PRUNE2: variants seen among roughly 807,000 people sequenced by gnomAD.
PRUNE2 encodes the protein protein prune homolog 2.
Under a neutral mutation model 252.0 loss-of-function variants are expected in PRUNE2, and 164 were observed. The ratio of observed to expected loss-of-function variants is 0.65; its 90% CI spans 0.57 to 0.74. PRUNE2 has a LOEUF of 0.74. Among genes scored for constraint, PRUNE2 ranks in the 30% least tolerant of loss-of-function variants. PRUNE2 has a pLI of 0.00. For synonymous variants in PRUNE2, 1,292 were observed against 1,350.2 expected (o/e 0.96, Z 0.94); for missense variants, 3,495 against 3,711.0 (o/e 0.94, Z 1.51).
chr9:76,886,672 A>ACAT (rs2062118975), intron 1 of PRUNE2, among the ~76,000 whole-genome samples: 1 of 152,210 alleles, frequency 6.6e-6, no homozygotes, highest in African/African-American at 2.4e-5. Context: ...AACATATTTT[A>ACAT]AAGGATTTTC....
chr9:76,814,061 G>A (rs2057530965), intron 6 of PRUNE2, among the ~76,000 whole-genome samples: 3 of 152,280 alleles, frequency 2.0e-5, no homozygotes, highest in South Asian at 2.1e-4. Context: ...TGATCCACCC[G>A]CCTCGGCCTC....
In PRUNE2 at chr9:76,631,409, G is replaced by A. The variant is rs142533792; in HGVS notation, c.9051-2119C>T. 4.0e-3 allele frequency among the ~76,000 whole-genome samples: 612 copies of A among 152,264 alleles called. 2 individuals are homozygous for A. Among genetic ancestry groups the A allele is most frequent in the African/African-American group, 0.014 (587 of 41,556 alleles). On this transcript the variant is annotated intron_variant, in intron 15 of 18. Transcript: ENST00000376718. Reference sequence around the variant, plus strand: ...TCTCTAATTTCAGCTGGCCAATCCTGCTAATCCTTTAAAACTCACCTGGAG... The same window carrying A: ...TCTCTAATTTCAGCTGGCCAATCCTACTAATCCTTTAAAACTCACCTGGAG...
chr9:76,851,979 GC>G (rs1461795603), intron 2 of PRUNE2, among the ~76,000 whole-genome samples: 1 of 152,188 alleles, frequency 6.6e-6, no homozygotes, highest in Admixed American at 6.5e-5. Context: ...AACATAAATG[GC>G]CTTTACTCTC....
At chr9:76,691,908 C>T in intron 9 of PRUNE2, 1 of 600,042 alleles carries the variant, frequency 1.7e-6, no homozygotes, top group Non-Finnish European at 3.0e-6. Flanking sequence ...CAGCTGGCAG[C>T]TGTCAGTTGC....
At chr9:76,867,158 C>T (rs1244217036) in intron 1 of PRUNE2, among the ~76,000 whole-genome samples, 1 of 152,124 alleles carries the variant, frequency 6.6e-6, no homozygotes, top group Non-Finnish European at 1.5e-5. Context: ...CACCTTTCTC[C>T]TCCCCCACCA....
At chr9:76,661,217 A>G (rs890556209) in intron 9 of PRUNE2, among the ~76,000 whole-genome samples, 21 of 152,210 alleles carry the variant, frequency 1.4e-4, no homozygotes, top group African/African-American at 5.1e-4. Flanking sequence ...AGAAATACTA[A>G]ACACAAGAAA....
At chr9:76,632,728 T>A (rs1031382169) in intron 15 of PRUNE2, among the ~76,000 whole-genome samples, 12 of 151,652 alleles carry the variant, frequency 7.9e-5, no homozygotes, top group South Asian at 6.3e-4. Flanking sequence ...TAGCTAAATT[T>A]AAAAAAAAAT....
intron 18 of PRUNE2, chr9:76,615,111 T>C (rs1233186387): frequency 1.0e-6 from 1 of 985,778 alleles, no homozygotes; most frequent in African/African-American, 1.7e-5. Flanking sequence ...CTGAGATGGA[T>C]GTTTATAACT....
At chr9:76,778,967 C>T (rs1375703253) in intron 6 of PRUNE2, 1 of 152,196 alleles carries the variant, frequency 6.6e-6, no homozygotes. Context: ...ATTTCCATTC[C>T]AGTTGGCTTC....
intron 9 of PRUNE2, among the ~76,000 whole-genome samples, chr9:76,680,241 G>A (rs2377771): frequency 0.22 from 33,184 of 151,964 alleles, 3,793 homozygotes; most frequent in Admixed American, 0.29. Context: ...AATGGCCAAC[G>A]AGCATATGAA....
At chr9:76,828,058 C>A (rs1017053654) in intron 4 of PRUNE2, among the ~76,000 whole-genome samples, 2 of 152,084 alleles carry the variant, frequency 1.3e-5, no homozygotes, top group African/African-American at 4.8e-5. Flanking sequence ...TTAGAGGTTA[C>A]AAATAAGTAA....
At chr9:76,768,974 C>T (rs553653802) in intron 6 of PRUNE2, among the ~76,000 whole-genome samples, 9 of 152,256 alleles carry the variant, frequency 5.9e-5, no homozygotes, top group South Asian at 4.1e-4. Flanking sequence ...ATATATAACT[C>T]GACCCTTTCC....
At chr9:76,854,023 C>T in intron 2 of PRUNE2, 81 bp downstream of exon 2, 2 of 656,264 alleles carry the variant, frequency 3.0e-6, no homozygotes, top group Non-Finnish European at 5.2e-6. Context: ...TTAATAGGTT[C>T]CTTTGTTTAG....
intron 1 of PRUNE2, among the ~76,000 whole-genome samples, chr9:76,883,258 C>T (rs571114307): frequency 6.6e-6 from 1 of 152,316 alleles, no homozygotes; most frequent in African/African-American, 2.4e-5. Flanking sequence ...AACCTCGAGT[C>T]GTCCAAGAAT....
chr9:76,707,009 T>G lies in PRUNE2; in HGVS notation c.5265A>C (p.Pro1755=), dbSNP rs758727063. The G allele has an allele frequency of 2.5e-6, 4 of 1,614,024 alleles. No homozygotes were observed. The highest frequency in any genetic ancestry group is 2.5e-6 in the Non-Finnish European group (3 of 1,179,876). Residue 1755 remains proline, a synonymous_variant, in exon 8 of 19, where the codon CCA becomes CCC. Coordinates refer to ENST00000376718, the MANE Select transcript of PRUNE2 (RefSeq NM_015225.3). The part of the protein sequence containing the change: ...EPAENENKSN[P]FCDNQQSSPD... ...GGCTGCTTTGTTGATTGTCACAGAA[T>G]GGGTTTGACTTATTCTCATTCTCTG...
intron 6 of PRUNE2, among the ~76,000 whole-genome samples, chr9:76,750,315 G>A (rs1427280369): frequency 6.6e-6 from 1 of 152,098 alleles, no homozygotes; most frequent in East Asian, 1.9e-4. Flanking sequence ...TGATTGGCAT[G>A]GAAGTTGGGG....
At chr9:76,814,787 G>C (rs965429587) in intron 6 of PRUNE2, among the ~76,000 whole-genome samples, 3 of 152,162 alleles carry the variant, frequency 2.0e-5, no homozygotes, top group Admixed American at 1.3e-4. Flanking sequence ...GTCCACATTT[G>C]CATATAAATC....
chr9:76,757,520 T>A (rs553565483), intron 6 of PRUNE2, among the ~76,000 whole-genome samples: 1 of 152,234 alleles, frequency 6.6e-6, no homozygotes, highest in East Asian at 1.9e-4. Context: ...CCATTCTAAG[T>A]TTTTCTGCTT....
intron 1 of PRUNE2, among the ~76,000 whole-genome samples, chr9:76,868,610 G>A (rs912364004): frequency 2.0e-5 from 3 of 152,092 alleles, no homozygotes; most frequent in African/African-American, 4.8e-5. Flanking sequence ...CTAAGACAAA[G>A]GACTTCTGCC....
Sources: gnomAD v4.1 joint callset for allele counts (sites outside exome capture counted in the v4.1 genomes callset) on GRCh38, gnomAD v4.1.1 for gene constraint, MANE v1.5 for transcripts, NCBI Gene and HGNC (gene_info 2026-07-23, HGNC 2026-07-21) for gene names.